Variants in CCSER1 observed in about 807,000 individuals in gnomAD.
CCSER1 encodes coiled-coil serine rich protein 1.
CCSER1 carries 41 observed loss-of-function variants against 82.0 expected under a neutral mutation model. That is an observed-to-expected ratio of 0.50 (90% CI 0.39 to 0.65). The LOEUF (loss-of-function observed/expected upper bound fraction) is 0.65. CCSER1 is among the 30% of genes least tolerant of loss of function. The pLI is 0.00. For missense variants in CCSER1, 1,119 were observed against 1,064.2 expected, an observed-to-expected ratio of 1.05 and a Z score of -0.72; for synonymous variants, 414 against 383.9, an observed-to-expected ratio of 1.08 and a Z score of -0.92.
At chr4:91,208,579 C>T (rs1468941435) in intron 10 of CCSER1, among the ~76,000 whole-genome samples, 1 of 151,676 alleles carries the variant, frequency 6.6e-6, no homozygotes, top group Non-Finnish European at 1.5e-5. Context: ...TTGTTCCATT[C>T]ATCTGCGTGC....
intron 7 of CCSER1, among the ~76,000 whole-genome samples, chr4:90,737,862 G>C (rs918408700): frequency 6.6e-6 from 1 of 151,906 alleles, no homozygotes; most frequent in South Asian, 2.1e-4. Flanking sequence ...TATTCTCCTT[G>C]ATCAGTTCTT....
At chr4:90,836,692 C>T (rs1044089941) in intron 8 of CCSER1, among the ~76,000 whole-genome samples, 2 of 152,168 alleles carry the variant, frequency 1.3e-5, no homozygotes, top group Admixed American at 1.3e-4. Context: ...GATTTGAACC[C>T]TGGACTGGGT....
At chr4:90,233,721 A>G (rs1412048169) in intron 1 of CCSER1, among the ~76,000 whole-genome samples, 1 of 151,806 alleles carries the variant, frequency 6.6e-6, no homozygotes, top group South Asian at 2.1e-4. Flanking sequence ...TGGCCATAAA[A>G]AAAAAAAAAA....
intron 10 of CCSER1, among the ~76,000 whole-genome samples, chr4:91,585,760 G>A (rs1165014229): frequency 6.6e-6 from 1 of 151,462 alleles, no homozygotes; most frequent in Non-Finnish European, 1.5e-5. Context: ...GAAACTCAAA[G>A]ATGGCTAATG....
intron 1 of CCSER1, among the ~76,000 whole-genome samples, chr4:90,155,623 A>C (rs1375532243): frequency 9.2e-5 from 14 of 152,084 alleles, no homozygotes; most frequent in East Asian, 1.9e-4. Flanking sequence ...TGTATGTGTC[A>C]AGGAATTTAT....
At chr4:90,295,082 T>G (rs1298087974) in intron 1 of CCSER1, among the ~76,000 whole-genome samples, 1 of 151,974 alleles carries the variant, frequency 6.6e-6, no homozygotes, top group African/African-American at 2.4e-5. Flanking sequence ...AAATAGACCA[T>G]TTTTAGAATT....
At chr4:91,059,374 C>T (rs1021347323) in intron 9 of CCSER1, among the ~76,000 whole-genome samples, 13 of 86,878 alleles carry the variant, frequency 1.5e-4, no homozygotes, top group South Asian at 3.3e-4. Flanking sequence ...TGTGTGTGTG[C>T]GCATGCACAC....
Position 91,021,394 on chromosome 4 carries a change from T to A in CCSER1, c.2173-64556T>A, listed in dbSNP as rs118022525. ...TTTGTAAAAAATACAGACACTGACT[T>A]TAGATGATTTATTTAAACCATAAAT... On this transcript the variant is annotated intron_variant, in intron 9 of 10. Coordinates refer to ENST00000509176, the MANE Select transcript of CCSER1 (RefSeq NM_001145065.2). Among the ~76,000 whole-genome samples the A allele has an allele frequency of 4.3e-4, 66 of 152,260 alleles. 3 individuals are homozygous for A. In the East Asian group the frequency reaches 0.012, roughly 29 times the overall value.
chr4:91,525,768 A>C (rs1340188370), intron 10 of CCSER1, among the ~76,000 whole-genome samples: 2 of 151,982 alleles, frequency 1.3e-5, no homozygotes, highest in Non-Finnish European at 2.9e-5. Context: ...TTTGTCTCAT[A>C]TACGTAGCCT....
intron 10 of CCSER1, among the ~76,000 whole-genome samples, chr4:91,185,139 G>C (rs1734404541): frequency 6.6e-6 from 1 of 152,162 alleles, no homozygotes; most frequent in Admixed American, 6.5e-5. Flanking sequence ...AATAGTTATT[G>C]CACAGGTAGG....
rs1408975367 is a variant in CCSER1, at chr4:90,574,283, A to G, written c.1725-53742A>G. 7.5e-5 allele frequency among the ~76,000 whole-genome samples: 7 copies of G among 92,836 alleles called. 1 individual carries two copies. The South Asian group carries it at 1.4e-3, about 18-fold the overall frequency. 60.9% of individuals were successfully genotyped at this position (92,836 alleles called of 152,430 possible). A position where few individuals can be genotyped will look rare whatever the true frequency, so the allele number is the denominator to read the frequency against. On this transcript the variant is annotated intron_variant, in intron 5 of 10. Transcript: ENST00000509176. ...TTTTTTTTTTTTTTTTTTTTTTGAG[A>G]CGGAGTCTCGCTCTGTCGCACAGGC...
At chr4:90,316,653 A>G (rs1298274235) in intron 3 of CCSER1, among the ~76,000 whole-genome samples, 1 of 152,178 alleles carries the variant, frequency 6.6e-6, no homozygotes, top group Non-Finnish European at 1.5e-5. Context: ...GCAGCCCTTC[A>G]TGTAGTTCAT....
At chr4:90,911,092 C>T (rs930026193) in intron 8 of CCSER1, among the ~76,000 whole-genome samples, 7 of 152,144 alleles carry the variant, frequency 4.6e-5, no homozygotes, top group African/African-American at 1.7e-4. Context: ...AACTTAGCAA[C>T]GTGGAGAGAG....
At chr4:90,544,689 G>A (rs1361538297) in intron 5 of CCSER1, among the ~76,000 whole-genome samples, 3 of 151,954 alleles carry the variant, frequency 2.0e-5, no homozygotes, top group Non-Finnish European at 2.9e-5. Flanking sequence ...ATGACATCTG[G>A]TGTGACATTT....
rs1379941504 is a variant in CCSER1, at chr4:90,890,633, CT to C, written c.2095-32734del. On this transcript the variant is annotated intron_variant, in intron 8 of 10. Coordinates refer to ENST00000509176, the MANE Select transcript of CCSER1 (RefSeq NM_001145065.2). Reference sequence around the variant, plus strand: ...AAATGAGATTTCCCTTTCTCCAGAGCTTTCCTGTGGGATGAAGCCAAAGCCA... The same window carrying C: ...AAATGAGATTTCCCTTTCTCCAGAGCTTCCTGTGGGATGAAGCCAAAGCCA... Among the ~76,000 whole-genome samples, 4 of 152,148 alleles carry C rather than the reference CT, an allele frequency of 2.6e-5. No homozygotes were observed. The East Asian group carries it at 7.7e-4, about 29-fold the overall frequency.
chr4:90,711,081 T>C (rs1033497064), intron 6 of CCSER1, among the ~76,000 whole-genome samples: 2 of 152,122 alleles, frequency 1.3e-5, no homozygotes, highest in Admixed American at 6.6e-5. Context: ...AATTTTATTC[T>C]TTTTGTAGCA....
At chr4:91,412,952 CA>C (rs200915923) in intron 10 of CCSER1, among the ~76,000 whole-genome samples, 2 of 86,766 alleles carry the variant, frequency 2.3e-5, no homozygotes, top group Non-Finnish European at 5.0e-5. Flanking sequence ...CATAAGGAAA[CA>C]AAAAAAAAAC....
At chr4:90,750,827 G>C (rs865960930) in intron 7 of CCSER1, among the ~76,000 whole-genome samples, 1 of 152,072 alleles carries the variant, frequency 6.6e-6, no homozygotes, top group African/African-American at 2.4e-5. Flanking sequence ...TTAGCATTAT[G>C]AATTTTCATT....
At chr4:90,868,750 A>T (rs1019547439) in intron 8 of CCSER1, among the ~76,000 whole-genome samples, 3 of 151,944 alleles carry the variant, frequency 2.0e-5, no homozygotes, top group African/African-American at 7.2e-5. Flanking sequence ...ATGGTAGCTG[A>T]ATCAATTTTA....
Sources: gnomAD v4.1 joint callset for allele counts (sites outside exome capture counted in the v4.1 genomes callset) on GRCh38, gnomAD v4.1.1 for gene constraint, MANE v1.5 for transcripts, NCBI Gene and HGNC (gene_info 2026-07-23, HGNC 2026-07-21) for gene names.